Variants in WWOX observed in about 807,000 individuals in gnomAD.
WWOX encodes the protein WW domain containing oxidoreductase.
In WWOX, 69 loss-of-function variants were observed where a neutral mutation model predicts 46.2. The observed-to-expected ratio is 1.49, with a 90% CI of 1.23 to 1.82. WWOX has a LOEUF of 1.82. WWOX is among the 40% of genes most tolerant of loss of function. The pLI, the probability that WWOX is intolerant of heterozygous loss-of-function variation, is 0.00. For synonymous variants in WWOX, 359 were observed against 202.6 expected, an observed-to-expected ratio of 1.77 and a Z score of -6.56; for missense variants, 919 against 542.6, an observed-to-expected ratio of 1.69 and a Z score of -6.89.
chr16:78,447,158 C>G (rs1221122832), intron 8 of WWOX, among the ~76,000 whole-genome samples: 1 of 152,182 alleles, frequency 6.6e-6, no homozygotes, highest in Non-Finnish European at 1.5e-5. Context: ...TTACAAAAAT[C>G]TGGCTCAGTT....
intron 4 of WWOX, chr16:78,124,338 C>T (rs750162531): frequency 3.3e-5 from 5 of 152,008 alleles, no homozygotes; most frequent in Non-Finnish European, 5.9e-5. Context: ...AACTAGATGG[C>T]GATTCTGGGA....
At chr16:78,317,976 T>G (rs2080389444) in intron 5 of WWOX, among the ~76,000 whole-genome samples, 1 of 152,168 alleles carries the variant, frequency 6.6e-6, no homozygotes, top group African/African-American at 2.4e-5. Flanking sequence ...TGGTAGTGAC[T>G]TTTTCCTGAT....
At chr16:78,888,369 C>T (rs373508807) in intron 8 of WWOX, among the ~76,000 whole-genome samples, 1 of 152,306 alleles carries the variant, frequency 6.6e-6, no homozygotes, top group East Asian at 1.9e-4. Context: ...TGCCCAGAGG[C>T]AGCTCCCTTG....
chr16:78,160,829 T>C (rs1020798484), intron 4 of WWOX, among the ~76,000 whole-genome samples: 13 of 152,344 alleles, frequency 8.5e-5, no homozygotes, highest in South Asian at 2.1e-4. Flanking sequence ...GTCTTCTATA[T>C]ACTTTGTGTT....
intron 8 of WWOX, among the ~76,000 whole-genome samples, chr16:78,528,306 AC>A (rs2043532632): frequency 6.7e-6 from 1 of 148,168 alleles, no homozygotes; most frequent in Non-Finnish European, 1.5e-5. Context: ...GAGCCACCAC[AC>A]CCGCCCTACA....
intron 5 of WWOX, among the ~76,000 whole-genome samples, chr16:78,378,239 T>TA (rs2081875843): frequency 6.6e-6 from 1 of 152,108 alleles, no homozygotes; most frequent in Non-Finnish European, 1.5e-5. Context: ...AGCAAAGTGA[T>TA]AAAATGTGTC....
At chr16:78,941,718 C>T (rs956159702) in intron 8 of WWOX, among the ~76,000 whole-genome samples, 1 of 152,130 alleles carries the variant, frequency 6.6e-6, no homozygotes, top group Non-Finnish European at 1.5e-5. Flanking sequence ...GGTTTCCTTT[C>T]CCAGGTTTGA....
intron 5 of WWOX, among the ~76,000 whole-genome samples, chr16:78,331,139 G>T (rs1197745584): frequency 1.3e-5 from 2 of 152,028 alleles, no homozygotes; most frequent in African/African-American, 4.8e-5. Context: ...GAATATGTTC[G>T]ATTGAGGTTT....
intron 8 of WWOX, chr16:79,004,507 A>T (rs763532687): frequency 6.6e-6 from 1 of 152,246 alleles, no homozygotes; most frequent in African/African-American, 2.4e-5. Context: ...GCTGGTTTCT[A>T]TTATAGCCCT....
At position 78,963,157 on chromosome 16, in the gene WWOX, C is replaced by G. The variant is rs144596707; in HGVS notation, c.1057-248451C>G. ...CCATTCCTCTTGTCTATCCATCAGT[C>G]TATCTTGATTCATTTCAAAATAAGT... On this transcript the variant is annotated intron_variant, in intron 8 of 8. Transcript: ENST00000566780. 3.1e-3 allele frequency among the ~76,000 whole-genome samples: 467 copies of G among 152,270 alleles called. 1 individual carries two copies. Among genetic ancestry groups the G allele is most frequent in the African/African-American group, 0.01 (425 of 41,552 alleles).
At chr16:78,947,990 A>T (rs182818525) in intron 8 of WWOX, among the ~76,000 whole-genome samples, 1 of 152,192 alleles carries the variant, frequency 6.6e-6, no homozygotes, top group Non-Finnish European at 1.5e-5. Context: ...TTCTAGAGGA[A>T]GTCAAAGGCA....
chr16:78,178,368 A>G (rs1313464367), intron 5 of WWOX, among the ~76,000 whole-genome samples: 1 of 152,198 alleles, frequency 6.6e-6, no homozygotes, highest in Non-Finnish European at 1.5e-5. Context: ...GACAGTTGGA[A>G]ATGTCACTGT....
chr16:78,416,372 TAAAAC>T (rs1212764953), intron 6 of WWOX, among the ~76,000 whole-genome samples: 22 of 152,222 alleles, frequency 1.4e-4, no homozygotes, highest in Admixed American at 3.9e-4. Context: ...TCTTTACAAT[TAAAAC>T]AAAGTCAAGC....
intron 5 of WWOX, among the ~76,000 whole-genome samples, chr16:78,310,379 G>A (rs549226857): frequency 9.9e-5 from 15 of 152,176 alleles, no homozygotes; most frequent in Non-Finnish European, 2.1e-4. Context: ...TTTGTTGACT[G>A]AATGAATTAA....
intron 8 of WWOX, among the ~76,000 whole-genome samples, chr16:78,446,899 G>T (rs1427148444): frequency 1.3e-5 from 2 of 152,012 alleles, no homozygotes; most frequent in African/African-American, 4.8e-5. Flanking sequence ...GACCTCAAGG[G>T]ATCCACCTAC....
intron 8 of WWOX, among the ~76,000 whole-genome samples, chr16:79,077,099 A>G (rs898231487): frequency 5.3e-5 from 8 of 152,312 alleles, no homozygotes; most frequent in South Asian, 2.1e-4. Flanking sequence ...AGGTGGCCGG[A>G]TGAGGATTTG....
At chr16:79,153,095 C>G (rs895616178) in intron 8 of WWOX, among the ~76,000 whole-genome samples, 1 of 152,182 alleles carries the variant, frequency 6.6e-6, no homozygotes, top group Non-Finnish European at 1.5e-5. Flanking sequence ...AAAATCCAAA[C>G]TCACTTGAGT....
At chr16:78,907,867 A>C (rs1369294081) in intron 8 of WWOX, among the ~76,000 whole-genome samples, 1 of 152,152 alleles carries the variant, frequency 6.6e-6, no homozygotes, top group Non-Finnish European at 1.5e-5. Flanking sequence ...AGCAAGTTCC[A>C]AAGCCCGTGG....
At chr16:78,414,379 G>C (rs149891313) in intron 6 of WWOX, among the ~76,000 whole-genome samples, 1 of 152,238 alleles carries the variant, frequency 6.6e-6, no homozygotes, top group African/African-American at 2.4e-5. Flanking sequence ...GACCAGCCTG[G>C]CCAACGTGGT....
Sources: allele counts gnomAD v4.1 joint callset (sites outside exome capture counted in the v4.1 genomes callset), GRCh38; gene constraint gnomAD v4.1.1; transcripts MANE v1.5; gene names NCBI Gene and HGNC (gene_info 2026-07-23, HGNC 2026-07-21).